Variants in IGLL5 observed in about 807,000 individuals in gnomAD.
The protein encoded by IGLL5 is immunoglobulin lambda like polypeptide 5.
IGLL5 carries 30 observed loss-of-function variants against 20.9 expected under a neutral mutation model. The ratio of observed to expected loss-of-function variants is 1.44; its 90% CI spans 1.07 to 1.95. The LOEUF is 1.95. Ranked by LOEUF, IGLL5 falls within the 30% of genes most tolerant of loss-of-function variation. IGLL5 has a pLI of 0.00. For missense variants in IGLL5, 475 were observed against 270.7 expected, an observed-to-expected ratio of 1.75 and a Z score of -5.30; for synonymous variants, 203 against 117.3, an observed-to-expected ratio of 1.73 and a Z score of -4.72.
At chr22:22,894,469 AG>A in intron 2 of IGLL5, among the ~76,000 whole-genome samples, 1 of 151,520 alleles carries the variant, frequency 6.6e-6, no homozygotes, top group East Asian at 2.0e-4. Flanking sequence ...GTCACCAGAA[AG>A]GAGACAGTCT....
Position 22,887,957 on chromosome 22 carries a change from A to T in IGLL5, c.-97A>T, listed in dbSNP as rs184552722. 8.4e-6 allele frequency: 8 copies of T among 950,336 alleles called. No homozygotes were observed. The highest frequency in any genetic ancestry group is 2.5e-4 in the Middle Eastern group (1 of 4,054). The allele number at this position is 950,336 out of a possible 1,614,324, so 58.9% of individuals were successfully genotyped here. On this transcript the variant is annotated 5_prime_UTR_variant, in exon 1 of 3. Coordinates refer to ENST00000526893, the MANE Select transcript of IGLL5 (RefSeq NM_001178126.2). The stretch of plus-strand genomic sequence containing the variant: ...GGACAGAGCCAATGGACTGGGGTGT[A>T]CTGTAACAGCCCTGCTGGCGAGAGG...
intron 2 of IGLL5, among the ~76,000 whole-genome samples, chr22:22,894,725 CA>C: frequency 6.6e-6 from 1 of 151,354 alleles, no homozygotes; most frequent in Non-Finnish European, 1.5e-5. Context: ...GCCCCAGGAA[CA>C]GCTGAGGTGA....
intron 1 of IGLL5, 141 bp downstream of exon 1, chr22:22,888,400 G>T (rs1354716087): frequency 3.0e-6 from 2 of 666,398 alleles, no homozygotes; most frequent in Non-Finnish European, 5.1e-6. Context: ...TTTAGTAATG[G>T]GTTGATATTT....
chr22:22,888,628 C>T (rs531859776), intron 1 of IGLL5, among the ~76,000 whole-genome samples: 20 of 151,206 alleles, frequency 1.3e-4, no homozygotes, highest in East Asian at 6.1e-4. Context: ...AGGCCTGTTC[C>T]TCCCCCTCCT....
chr22:22,888,728 T>C (rs527957473), intron 1 of IGLL5, among the ~76,000 whole-genome samples: 2 of 151,412 alleles, frequency 1.3e-5, no homozygotes, highest in Admixed American at 6.6e-5. Context: ...CCCCCAAGGC[T>C]GTCTGTTCAC....
chr22:22,894,919 A>T (rs2146048322), intron 2 of IGLL5, among the ~76,000 whole-genome samples: 1 of 151,146 alleles, frequency 6.6e-6, no homozygotes, highest in Non-Finnish European at 1.5e-5. Flanking sequence ...CTCCCCACAC[A>T]CTGCCTGCCA....
At chr22:22,890,553 T>TG (rs2067806017) in intron 1 of IGLL5, among the ~76,000 whole-genome samples, 6 of 120,930 alleles carry the variant, frequency 5.0e-5, no homozygotes, top group African/African-American at 1.8e-4. Context: ...CAGTGGAAAT[T>TG]TGTGTGTGTG....
chr22:22,890,098 A>T (rs1569083244), intron 1 of IGLL5, among the ~76,000 whole-genome samples: 1 of 149,598 alleles, frequency 6.7e-6, no homozygotes, highest in Non-Finnish European at 1.5e-5. Flanking sequence ...ACTCATGTGC[A>T]TTACTCTTTT....
At chr22:22,889,126 A>C (rs2067689051) in intron 1 of IGLL5, among the ~76,000 whole-genome samples, 2 of 151,062 alleles carry the variant, frequency 1.3e-5, no homozygotes, top group Admixed American at 6.6e-5. Flanking sequence ...TCAGCACCGG[A>C]TTGGAGGCTG....
At position 22,888,550 on chromosome 22, in the gene IGLL5, A is replaced by G. The variant is rs538770346; in HGVS notation, c.206+291A>G. Among the ~76,000 whole-genome samples the G allele has an allele frequency of 5.9e-5, 9 of 151,346 alleles. No individual in the cohort carries two copies. In the East Asian group the frequency reaches 6.1e-4, roughly 10 times the overall value. ...ATCACCTAGTCCTAGTCCTCTGGGT[A>G]GGGAAGGAACAGAGGCAGGGACAGG... On this transcript the variant is annotated intron_variant, in intron 1 of 2. Transcript: ENST00000526893.
intron 1 of IGLL5, among the ~76,000 whole-genome samples, chr22:22,888,787 G>C (rs2067646808): frequency 6.6e-6 from 1 of 151,434 alleles, no homozygotes; most frequent in African/African-American, 2.4e-5. Context: ...GACACAGGGA[G>C]GGTGGGATGA....
Position 22,888,034 on chromosome 22 carries a change from G to C in IGLL5, c.-20G>C, listed in dbSNP as rs1385713581. The stretch of plus-strand genomic sequence containing the variant: ...CCATGCTGCAAGTCGGGCCAGAGGT[G>C]CCCCTGAACCTGAAGGCCAATGAGA... On this transcript the variant is annotated 5_prime_UTR_variant, in exon 1 of 3. Transcript: ENST00000526893. The C allele has an allele frequency of 1.3e-6, 2 of 1,545,442 alleles. No individual in the cohort carries two copies. The highest frequency in any genetic ancestry group is 2.7e-5 in the African/African-American group (2 of 72,736).
intron 1 of IGLL5, among the ~76,000 whole-genome samples, chr22:22,890,621 T>C (rs2067812955): frequency 6.7e-6 from 1 of 149,510 alleles, no homozygotes; most frequent in Non-Finnish European, 1.5e-5. Context: ...AGTGCACTTA[T>C]ATATCTCCCC....
chr22:22,893,876 T>C (rs2067939316), intron 2 of IGLL5, 58 bp downstream of exon 2: 6 of 1,206,138 alleles, frequency 5.0e-6, no homozygotes, highest in Admixed American at 3.4e-5. Flanking sequence ...CTGGAAAATC[T>C]GTTTTCTCTC....
chr22:22,895,018 A>G (rs577430427), intron 2 of IGLL5, among the ~76,000 whole-genome samples: 4 of 151,390 alleles, frequency 2.6e-5, no homozygotes, highest in Admixed American at 1.3e-4. Flanking sequence ...GGAGGGGGGT[A>G]TAGGGATGGA....
chr22:22,888,404 G>GCCCAGGCTTTAGTAATGGGTTC (rs2067592822), intron 1 of IGLL5, 145 bp downstream of exon 1: 1 of 652,006 alleles, frequency 1.5e-6, no homozygotes, highest in Admixed American at 3.0e-5. Flanking sequence ...GTAATGGGTT[G>GCCCAGGCTTTAGTAATGGGTTC]ATATTTTGTC....
At chr22:22,894,718 C>A in intron 2 of IGLL5, among the ~76,000 whole-genome samples, 1 of 151,376 alleles carries the variant, frequency 6.6e-6, no homozygotes, top group South Asian at 2.1e-4. Context: ...GGGAGCAGCC[C>A]CAGGAACAGC....
chr22:22,893,978 TAA>T, intron 2 of IGLL5, among the ~76,000 whole-genome samples, 160 bp downstream of exon 2: 1 of 151,270 alleles, frequency 6.6e-6, no homozygotes, highest in Non-Finnish European at 1.5e-5. Flanking sequence ...AGTCTCCGGG[TAA>T]CCGGCAGGAA....
chr22:22,893,725 A>G lies in IGLL5; in HGVS notation c.232A>G (p.Arg78Gly), dbSNP rs951264091. Residue 78 changes from arginine to glycine, a missense_variant, in exon 2 of 3, where the codon AGA (arginine) becomes GGA (glycine). Physicochemically the swap from Arg to Gly is moderately radical, Grantham distance 125. Transcript: ENST00000526893. ...GCTCCTGCTCCAGCCCAGCCCCCAG[A>G]GAGCAGACCCCAGGTGCTGGCCCCG... ...GRLLLQPSPQRADPRCWPRGF... is the reference protein window; with the variant it reads ...GRLLLQPSPQGADPRCWPRGF... 2 of 1,606,822 alleles carry G rather than the reference A, an allele frequency of 1.2e-6. No homozygotes were observed. Among genetic ancestry groups the G allele is most frequent in the African/African-American group, 2.7e-5 (2 of 74,166 alleles).
Sources: allele counts gnomAD v4.1 joint callset (sites outside exome capture counted in the v4.1 genomes callset), GRCh38; gene constraint gnomAD v4.1.1; transcripts MANE v1.5; gene names NCBI Gene and HGNC (gene_info 2026-07-23, HGNC 2026-07-21).